GNAQ: variants seen among roughly 807,000 people sequenced by gnomAD.
GNAQ encodes guanine nucleotide-binding protein G(q) subunit alpha.
In GNAQ, 8 loss-of-function variants were observed where a neutral mutation model predicts 43.9. That is an observed-to-expected ratio of 0.18 (90% CI 0.11 to 0.33). The LOEUF is 0.33. Ranked by LOEUF, GNAQ falls within the 10% of genes least tolerant of loss-of-function variation. GNAQ has a pLI of 1.00. For synonymous variants in GNAQ, 155 were observed against 170.7 expected (o/e 0.91, Z 0.71); for missense variants, 158 against 450.8 (o/e 0.35, Z 5.88).
At chr9:78,026,801 A>G (rs1823985712) in intron 1 of GNAQ, among the ~76,000 whole-genome samples, 1 of 152,236 alleles carries the variant, frequency 6.6e-6, no homozygotes, top group South Asian at 2.1e-4. Context: ...CTAAAACTGT[A>G]TAGCTTTCAG....
chr9:77,754,965 A>T (rs1825876886), intron 5 of GNAQ, among the ~76,000 whole-genome samples: 1 of 152,228 alleles, frequency 6.6e-6, no homozygotes, highest in South Asian at 2.1e-4. Flanking sequence ...AACAGCCAAG[A>T]TGTGGAAGCA....
chr9:77,729,148 T>A (rs138723585), intron 5 of GNAQ, among the ~76,000 whole-genome samples: 6 of 152,334 alleles, frequency 3.9e-5, no homozygotes, highest in Admixed American at 3.9e-4. Context: ...CATATCTATA[T>A]TTCTAGATGT....
At chr9:77,727,411 A>T (rs1034366198) in intron 6 of GNAQ, among the ~76,000 whole-genome samples, 2 of 152,218 alleles carry the variant, frequency 1.3e-5, no homozygotes, top group African/African-American at 4.8e-5. Flanking sequence ...CCAAGTGTTC[A>T]AGTGTTTCTC....
At chr9:77,749,590 T>C (rs1056080399) in intron 5 of GNAQ, among the ~76,000 whole-genome samples, 2 of 152,206 alleles carry the variant, frequency 1.3e-5, no homozygotes, top group Non-Finnish European at 2.9e-5. Flanking sequence ...GGGACTTGGA[T>C]GGGTCTTCCA....
chr9:77,965,966 A>C (rs1488589909), intron 1 of GNAQ, among the ~76,000 whole-genome samples: 1 of 152,186 alleles, frequency 6.6e-6, no homozygotes, highest in African/African-American at 2.4e-5. Context: ...GATAAAGAAA[A>C]TGTAGTACAT....
chr9:77,903,327 G>T (rs557811233), intron 2 of GNAQ, among the ~76,000 whole-genome samples: 1 of 152,188 alleles, frequency 6.6e-6, no homozygotes, highest in African/African-American at 2.4e-5. Context: ...GGTGTTGGAC[G>T]CTAGAGATGC....
At chr9:78,021,045 C>CTTTT (rs545575616) in intron 1 of GNAQ, among the ~76,000 whole-genome samples, 1,200 of 112,100 alleles carry the variant, frequency 0.011, 49 homozygotes, top group African/African-American at 0.029. Context: ...CAGGAAGCTG[C>CTTTT]TTTTTTTTTT....
chr9:78,005,678 T>C (rs1300129462), intron 1 of GNAQ, among the ~76,000 whole-genome samples: 3 of 152,076 alleles, frequency 2.0e-5, no homozygotes, highest in Non-Finnish European at 4.4e-5. Context: ...CTTGGTGCAG[T>C]AGTGCATGGG....
intron 2 of GNAQ, among the ~76,000 whole-genome samples, chr9:77,866,326 A>G (rs1435577283): frequency 6.6e-6 from 1 of 152,054 alleles, no homozygotes; most frequent in Non-Finnish European, 1.5e-5. Flanking sequence ...AAAATACAAA[A>G]ATTAGCTGGG....
chr9:77,881,255 G>T (rs1480142900), intron 2 of GNAQ, among the ~76,000 whole-genome samples: 2 of 152,166 alleles, frequency 1.3e-5, no homozygotes, highest in African/African-American at 4.8e-5. Context: ...AATGTCAGCT[G>T]CACAACGGCA....
chr9:77,843,861 T>A (rs1048081345), intron 2 of GNAQ, among the ~76,000 whole-genome samples: 1 of 152,132 alleles, frequency 6.6e-6, no homozygotes, highest in Non-Finnish European at 1.5e-5. Flanking sequence ...TGCAGTTCCA[T>A]CTCAAGGACC....
intron 1 of GNAQ, among the ~76,000 whole-genome samples, chr9:77,943,664 T>A (rs912041771): frequency 6.0e-4 from 87 of 146,188 alleles, no homozygotes; most frequent in Non-Finnish European, 1.1e-3. Context: ...AACTAACTTT[T>A]TTTTTTTTTT....
intron 4 of GNAQ, among the ~76,000 whole-genome samples, chr9:77,795,487 C>G (rs1826642859): frequency 6.6e-6 from 1 of 152,098 alleles, no homozygotes; most frequent in African/African-American, 2.4e-5. Flanking sequence ...GGTTTAGGTA[C>G]AAAAATTTGA....
At chr9:77,793,692 G>A (rs756276611) in intron 5 of GNAQ, among the ~76,000 whole-genome samples, 10 of 151,772 alleles carry the variant, frequency 6.6e-5, no homozygotes, top group African/African-American at 1.2e-4. Flanking sequence ...TGTCTTCCCC[G>A]TTCCCCCAAC....
At chr9:77,968,261 A>G (rs1823194265) in intron 1 of GNAQ, among the ~76,000 whole-genome samples, 2 of 152,226 alleles carry the variant, frequency 1.3e-5, no homozygotes, top group South Asian at 4.1e-4. Flanking sequence ...AAACAAAAAT[A>G]CCATGGATGT....
At chr9:77,743,135 G>A (rs1028876018) in intron 5 of GNAQ, among the ~76,000 whole-genome samples, 2 of 152,206 alleles carry the variant, frequency 1.3e-5, no homozygotes, top group Non-Finnish European at 2.9e-5. Context: ...GCATGAGCCT[G>A]TAGTCCCAGC....
intron 3 of GNAQ, among the ~76,000 whole-genome samples, chr9:77,807,484 T>A (rs1427019770): frequency 6.6e-6 from 1 of 152,200 alleles, no homozygotes; most frequent in South Asian, 2.1e-4. Context: ...ATCAACTCAA[T>A]GAACATTTCT....
chr9:77,812,643 T>C (rs1397329303), intron 3 of GNAQ, among the ~76,000 whole-genome samples: 1 of 152,090 alleles, frequency 6.6e-6, no homozygotes, highest in East Asian at 1.9e-4. Flanking sequence ...AGAGGACATT[T>C]TGGAAGAATT....
intron 2 of GNAQ, among the ~76,000 whole-genome samples, chr9:77,874,649 C>G (rs191666457): frequency 3.0e-4 from 45 of 152,140 alleles, no homozygotes; most frequent in African/African-American, 9.4e-4. Context: ...TTCTGAGACA[C>G]AGTCTCACTC....
Sources: gnomAD v4.1 joint callset for allele counts (sites outside exome capture counted in the v4.1 genomes callset) on GRCh38, gnomAD v4.1.1 for gene constraint, MANE v1.5 for transcripts, NCBI Gene and HGNC (gene_info 2026-07-23, HGNC 2026-07-21) for gene names.